PPP2R2B: variants seen among roughly 807,000 people sequenced by gnomAD.
PPP2R2B encodes the protein serine/threonine-protein phosphatase 2A 55 kDa regulatory subunit B beta isoform.
PPP2R2B carries 5 observed loss-of-function variants against 46.0 expected under a neutral mutation model. That is an observed-to-expected ratio of 0.11 (90% CI 0.06 to 0.23). The LOEUF is 0.23. Ranked by LOEUF, PPP2R2B falls within the 10% of genes least tolerant of loss-of-function variation. PPP2R2B has a pLI of 1.00. For synonymous variants in PPP2R2B, 215 were observed against 206.7 expected, an observed-to-expected ratio of 1.04 and a Z score of -0.34; for missense variants, 367 against 575.0, an observed-to-expected ratio of 0.64 and a Z score of 3.70.
rs1769929997 is a variant in PPP2R2B, at chr5:146,582,251, G to A, written c.*7696C>T. On this transcript the variant is annotated 3_prime_UTR_variant, in exon 10 of 10. Transcript: ENST00000394411. ...GGGAGGGTTGAGAATAATAGCTCTT[G>A]TCACTTCCCTTTGCCTTGTTATGGG... 1 of 152,182 alleles carries A rather than the reference G, an allele frequency of 6.6e-6. No homozygotes were observed. Among genetic ancestry groups the A allele is most frequent in the South Asian group, 2.1e-4 (1 of 4,814 alleles). The allele number at this position is 152,182 out of a possible 1,614,324, so 9.4% of individuals were successfully genotyped here.
At chr5:146,653,192 G>A (rs961888413) in intron 5 of PPP2R2B, among the ~76,000 whole-genome samples, 4 of 152,072 alleles carry the variant, frequency 2.6e-5, no homozygotes, top group Admixed American at 1.3e-4. Flanking sequence ...GGTTTAATTC[G>A]GGGACTGGAA....
chr5:147,050,071 C>T (rs1055420876), intron 1 of PPP2R2B, among the ~76,000 whole-genome samples: 3 of 152,096 alleles, frequency 2.0e-5, no homozygotes, highest in African/African-American at 4.8e-5. Flanking sequence ...GAGTGATGTG[C>T]TTGAGTAAGA....
At chr5:146,966,725 A>C (rs1752433815) in intron 1 of PPP2R2B, among the ~76,000 whole-genome samples, 1 of 152,164 alleles carries the variant, frequency 6.6e-6, no homozygotes, top group Admixed American at 6.5e-5. Context: ...GCGTAGGAGC[A>C]CAAAAATATG....
In PPP2R2B at chr5:146,698,160, A is replaced by G; in HGVS notation, c.169-16T>C. ...GATTTTTACTCTGTAGGAAAGGAAA[A>G]AAATACACAACAGATTAAATCACAG... On this transcript the variant is annotated splice_polypyrimidine_tract_variant and intron_variant, in intron 3 of 9. Transcript: ENST00000394411. 6.4e-7 allele frequency: 1 copy of G among 1,569,384 alleles called. No homozygotes were observed. The highest frequency in any genetic ancestry group is 2.3e-5 in the East Asian group (1 of 43,756).
intron 2 of PPP2R2B, among the ~76,000 whole-genome samples, chr5:146,781,850 C>G (rs1755549463): frequency 6.6e-6 from 1 of 152,176 alleles, no homozygotes; most frequent in South Asian, 2.1e-4. Flanking sequence ...AATCCAGATT[C>G]ATCACCAACT....
At chr5:146,597,960 C>G (rs1771356324) in intron 8 of PPP2R2B, among the ~76,000 whole-genome samples, 1 of 152,242 alleles carries the variant, frequency 6.6e-6, no homozygotes, top group African/African-American at 2.4e-5. Flanking sequence ...AGCGGTCTCT[C>G]TCTAATGGTC....
intron 1 of PPP2R2B, among the ~76,000 whole-genome samples, chr5:147,031,521 T>C (rs796446863): frequency 7.9e-5 from 12 of 152,226 alleles, no homozygotes; most frequent in African/African-American, 2.9e-4. Flanking sequence ...TAACAGTTCT[T>C]AAATCTGTAG....
At chr5:147,066,747 T>G (rs1462857628) in intron 2 of PPP2R2B, among the ~76,000 whole-genome samples, 2 of 152,042 alleles carry the variant, frequency 1.3e-5, no homozygotes, top group Non-Finnish European at 2.9e-5. Flanking sequence ...TAATCATGAT[T>G]TTTTTTTGTA....
At position 146,585,011 on chromosome 5, in the gene PPP2R2B, T is replaced by C. The variant is rs964521027; in HGVS notation, c.*4936A>G. 2.6e-5 allele frequency: 4 copies of C among 152,218 alleles called. No individual in the cohort carries two copies. The highest frequency in any genetic ancestry group is 2.6e-4 in the Admixed American group (4 of 15,282). The allele number at this position is 152,218 out of a possible 1,614,324, so 9.4% of individuals were successfully genotyped here. Reference sequence around the variant, plus strand: ...TTGATTAACTATTTCTTCCTCTGTATGACTTCTGCCCTTCATAGATATCTC... The same window carrying C: ...TTGATTAACTATTTCTTCCTCTGTACGACTTCTGCCCTTCATAGATATCTC... On this transcript the variant is annotated 3_prime_UTR_variant, in exon 10 of 10. Transcript: ENST00000394411.
At chr5:147,005,825 AAG>A (rs759912427) in intron 1 of PPP2R2B, among the ~76,000 whole-genome samples, 1 of 152,144 alleles carries the variant, frequency 6.6e-6, no homozygotes, top group Non-Finnish European at 1.5e-5. Context: ...AACAGAGAGA[AAG>A]AGAAATAGTA....
intron 1 of PPP2R2B, among the ~76,000 whole-genome samples, chr5:146,995,302 C>T (rs918131074): frequency 5.9e-5 from 9 of 152,102 alleles, no homozygotes; most frequent in African/African-American, 2.2e-4. Context: ...CAGTACTTGC[C>T]CAGTTTCTGA....
At chr5:146,907,256 G>A (rs1763029782) in intron 1 of PPP2R2B, among the ~76,000 whole-genome samples, 1 of 152,056 alleles carries the variant, frequency 6.6e-6, no homozygotes, top group Non-Finnish European at 1.5e-5. Flanking sequence ...TAGAAATAAA[G>A]CTGCATTTTT....
Position 146,762,591 on chromosome 5 carries a change from G to A in PPP2R2B, c.71-61449C>T, listed in dbSNP as rs115518106. 2.0e-3 allele frequency among the ~76,000 whole-genome samples: 298 copies of A among 152,218 alleles called. 2 individuals carry two copies. The highest frequency in any genetic ancestry group is 6.8e-3 in the African/African-American group (281 of 41,544). The stretch of plus-strand genomic sequence containing the variant: ...TCTTACATATCTACATACTCTTTGG[G>A]AACAGATTTCTGGTCTAATCCATTC... On this transcript the variant is annotated intron_variant, in intron 2 of 9. Coordinates refer to ENST00000394411, the MANE Select transcript of PPP2R2B (RefSeq NM_181675.4).
intron 6 of PPP2R2B, among the ~76,000 whole-genome samples, chr5:146,649,687 C>T (rs1775824307): frequency 6.6e-6 from 1 of 152,102 alleles, no homozygotes; most frequent in African/African-American, 2.4e-5. Flanking sequence ...TGACCTGAAG[C>T]AATCCACCTA....
intron 7 of PPP2R2B, among the ~76,000 whole-genome samples, chr5:146,627,573 T>G (rs1404856298): frequency 2.0e-5 from 3 of 152,196 alleles, no homozygotes; most frequent in Non-Finnish European, 4.4e-5. Context: ...CTTGTGAAAT[T>G]ATCCTTCTGG....
At chr5:146,818,136 T>C (rs985986950) in intron 2 of PPP2R2B, among the ~76,000 whole-genome samples, 3 of 152,192 alleles carry the variant, frequency 2.0e-5, no homozygotes, top group Non-Finnish European at 2.9e-5. Context: ...GGAGCCATCC[T>C]GCTAGGAGTT....
chr5:146,798,110 A>G (rs1756653100), intron 2 of PPP2R2B, among the ~76,000 whole-genome samples: 1 of 151,526 alleles, frequency 6.6e-6, no homozygotes, highest in African/African-American at 2.4e-5. Context: ...ATCTTTGGGG[A>G]CTTGGTGAGT....
chr5:146,609,605 C>T (rs528072297), intron 7 of PPP2R2B, among the ~76,000 whole-genome samples: 1 of 150,164 alleles, frequency 6.7e-6, no homozygotes, highest in African/African-American at 2.5e-5. Context: ...CTAGGGAGTG[C>T]CAGACAGTGG....
chr5:146,864,109 C>A (rs1048892169), intron 2 of PPP2R2B, among the ~76,000 whole-genome samples: 1 of 152,010 alleles, frequency 6.6e-6, no homozygotes, highest in Admixed American at 6.6e-5. Flanking sequence ...AATAAAGACA[C>A]GGTTTAGAGT....
Sources: gnomAD v4.1 joint callset for allele counts (sites outside exome capture counted in the v4.1 genomes callset) on GRCh38, gnomAD v4.1.1 for gene constraint, MANE v1.5 for transcripts, NCBI Gene and HGNC (gene_info 2026-07-23, HGNC 2026-07-21) for gene names.